Variants in RALGPS2 observed in about 807,000 individuals in gnomAD.
RALGPS2 encodes the protein Ral GEF with PH domain and SH3 binding motif 2.
Under a neutral mutation model 86.8 loss-of-function variants are expected in RALGPS2, and 43 were observed. That is an observed-to-expected ratio of 0.50 (90% confidence interval 0.39 to 0.64). The LOEUF (loss-of-function observed/expected upper bound fraction) is 0.64. Ranked by LOEUF, RALGPS2 falls within the 30% of genes least tolerant of loss-of-function variation. The probability of loss-of-function intolerance (pLI) is 0.00; values close to 1 mark genes in which losing one functional copy is unlikely to be tolerated. For missense variants in RALGPS2, 536 were observed against 694.6 expected (o/e 0.77, Z 2.57); for synonymous variants, 243 against 231.3 (o/e 1.05, Z -0.46).
chr1:178,914,367 C>T (rs1475142404), intron 19 of RALGPS2, among the ~76,000 whole-genome samples: 4 of 152,118 alleles, frequency 2.6e-5, no homozygotes, highest in Non-Finnish European at 5.9e-5. Flanking sequence ...AGGATCCCAG[C>T]GGTTTGTGGT....
intron 19 of RALGPS2, among the ~76,000 whole-genome samples, chr1:178,908,296 A>G (rs1249369741): frequency 6.6e-6 from 1 of 152,232 alleles, no homozygotes; most frequent in Non-Finnish European, 1.5e-5. Context: ...GTAGTATTCC[A>G]TAGCATATAT....
At chr1:178,914,522 C>A (rs555752292) in intron 19 of RALGPS2, among the ~76,000 whole-genome samples, 1 of 152,202 alleles carries the variant, frequency 6.6e-6, no homozygotes, top group South Asian at 2.1e-4. Context: ...ATCTCTCCAC[C>A]CACTCTCAGA....
At chr1:178,888,014 G>A (rs115169745) in intron 13 of RALGPS2, among the ~76,000 whole-genome samples, 2 of 152,026 alleles carry the variant, frequency 1.3e-5, no homozygotes, top group African/African-American at 4.8e-5. Flanking sequence ...GAATTATTCT[G>A]TAGTTTATAG....
chr1:178,785,532 T>G, intron 3 of RALGPS2, 25 bp from the exon 4 acceptor site: 1 of 1,566,334 alleles, frequency 6.4e-7, no homozygotes, highest in East Asian at 2.3e-5. Context: ...AAAGAAGAAA[T>G]TGTCATTTTT....
chr1:178,817,344 TTAAAA>T (rs1655280792), intron 6 of RALGPS2, among the ~76,000 whole-genome samples: 1 of 31,606 alleles, frequency 3.2e-5, no homozygotes, highest in African/African-American at 1.6e-4. Flanking sequence ...CTGTCTCAAT[TTAAAA>T]AAAAAAAAAA....
At chr1:178,773,324 A>G (rs1652899864) in intron 1 of RALGPS2, among the ~76,000 whole-genome samples, 1 of 152,058 alleles carries the variant, frequency 6.6e-6, no homozygotes, top group South Asian at 2.1e-4. Flanking sequence ...AGCCTGCATG[A>G]CAGAGCAAGA....
intron 16 of RALGPS2, among the ~76,000 whole-genome samples, chr1:178,896,160 T>C (rs34936252): frequency 0.47 from 71,086 of 151,828 alleles, 18,037 homozygotes; most frequent in African/African-American, 0.66. Flanking sequence ...ATGATAAGGA[T>C]AGAGGCTTTG....
intron 1 of RALGPS2, among the ~76,000 whole-genome samples, chr1:178,737,834 A>G (rs903645058): frequency 2.6e-5 from 4 of 151,912 alleles, no homozygotes; most frequent in Non-Finnish European, 4.4e-5. Context: ...CTGGATTCCA[A>G]TGGCATGATC....
intron 1 of RALGPS2, among the ~76,000 whole-genome samples, chr1:178,755,053 G>T (rs901599071): frequency 1.3e-5 from 2 of 152,220 alleles, no homozygotes; most frequent in African/African-American, 4.8e-5. Context: ...GCCTGTCTTG[G>T]CCTCCTAAAG....
intron 4 of RALGPS2, among the ~76,000 whole-genome samples, chr1:178,789,654 G>C (rs1191099938): frequency 6.6e-6 from 1 of 152,144 alleles, no homozygotes; most frequent in Non-Finnish European, 1.5e-5. Context: ...GTCCAGTCTA[G>C]AAATAATAAG....
intron 7 of RALGPS2, among the ~76,000 whole-genome samples, chr1:178,829,105 A>G (rs1476913070): frequency 6.6e-6 from 1 of 152,270 alleles, no homozygotes; most frequent in Non-Finnish European, 1.5e-5. Flanking sequence ...TTACAACAGC[A>G]TGGATGAATT....
chr1:178,877,673 G>T, intron 9 of RALGPS2, 38 bp downstream of exon 9: 1 of 1,606,104 alleles, frequency 6.2e-7, no homozygotes, highest in Non-Finnish European at 8.5e-7. Context: ...CATTAAGATT[G>T]CTGTAATCCA....
At chr1:178,862,347 C>G (rs1012515422) in intron 8 of RALGPS2, among the ~76,000 whole-genome samples, 1 of 152,036 alleles carries the variant, frequency 6.6e-6, no homozygotes, top group Non-Finnish European at 1.5e-5. Context: ...GTCACCAAAT[C>G]AACTAACACA....
chr1:178,869,189 A>G (rs532007876), intron 8 of RALGPS2: 29 of 152,220 alleles, frequency 1.9e-4, no homozygotes, highest in Middle Eastern at 3.4e-3. Flanking sequence ...TAATTTTATT[A>G]GTAGCTTTTC....
At chr1:178,783,724 T>C (rs1335501687) in intron 2 of RALGPS2, among the ~76,000 whole-genome samples, 1 of 152,168 alleles carries the variant, frequency 6.6e-6, no homozygotes, top group African/African-American at 2.4e-5. Context: ...ATATTGATGT[T>C]CCTCTGAATT....
At chr1:178,878,458 T>C (rs2102365344) in intron 9 of RALGPS2, among the ~76,000 whole-genome samples, 1 of 152,256 alleles carries the variant, frequency 6.6e-6, no homozygotes, top group East Asian at 1.9e-4. Flanking sequence ...AATAATTCCT[T>C]ATTTTGTCCT....
chr1:178,788,989 C>A (rs548140436), intron 4 of RALGPS2, among the ~76,000 whole-genome samples: 5 of 151,672 alleles, frequency 3.3e-5, no homozygotes, highest in Non-Finnish European at 5.9e-5. Context: ...TTACTGCAAC[C>A]TCCGCCTCCC....
At chr1:178,750,067 C>T (rs542774022) in intron 1 of RALGPS2, among the ~76,000 whole-genome samples, 8 of 152,266 alleles carry the variant, frequency 5.3e-5, no homozygotes, top group Non-Finnish European at 7.4e-5. Flanking sequence ...GCCAGTATCA[C>T]GCCACTGTTC....
At chr1:178,738,422 T>C (rs1264141563) in intron 1 of RALGPS2, among the ~76,000 whole-genome samples, 2 of 152,102 alleles carry the variant, frequency 1.3e-5, no homozygotes, top group Non-Finnish European at 2.9e-5. Flanking sequence ...TTGCCCAGGC[T>C]GGTCTCGAAC....
Sources: allele counts gnomAD v4.1 joint callset (sites outside exome capture counted in the v4.1 genomes callset), GRCh38; gene constraint gnomAD v4.1.1; transcripts MANE v1.5; gene names NCBI Gene and HGNC (gene_info 2026-07-23, HGNC 2026-07-21).